SLC30A6: variants seen among roughly 807,000 people sequenced by gnomAD.
SLC30A6 encodes the protein solute carrier family 30 member 6, also known as zinc transporter 6.
SLC30A6 carries 55 observed loss-of-function variants against 63.0 expected under a neutral mutation model. The observed-to-expected ratio is 0.87, with a 90% CI of 0.70 to 1.09. The LOEUF is 1.09. SLC30A6 is among the 50% of genes least tolerant of loss of function. The pLI, the probability that SLC30A6 is intolerant of heterozygous loss-of-function variation, is 0.00. For synonymous variants in SLC30A6, 224 were observed against 186.1 expected (o/e 1.20, Z -1.66); for missense variants, 587 against 549.2 (o/e 1.07, Z -0.69).
intron 5 of SLC30A6, among the ~76,000 whole-genome samples, chr2:32,191,529 C>T (rs1683318116): frequency 6.6e-6 from 1 of 152,058 alleles, no homozygotes; most frequent in Admixed American, 6.6e-5. Flanking sequence ...CAGTTCCTGG[C>T]CTCTGGCTTA....
At chr2:32,185,218 G>C (rs760593599) in intron 5 of SLC30A6, among the ~76,000 whole-genome samples, 11 of 152,118 alleles carry the variant, frequency 7.2e-5, no homozygotes, top group Non-Finnish European at 1.2e-4. Flanking sequence ...TTAATTAGCT[G>C]CACATGGTGG....
At chr2:32,201,710 G>A (rs1219020414) in intron 10 of SLC30A6, 23 of 1,398,772 alleles carry the variant, frequency 1.6e-5, no homozygotes, top group Middle Eastern at 4.0e-4. Flanking sequence ...TCACAGTTTC[G>A]GCTAATGGAT....
intron 13 of SLC30A6, among the ~76,000 whole-genome samples, chr2:32,212,277 T>C (rs948020152): frequency 6.6e-6 from 1 of 152,104 alleles, no homozygotes; most frequent in African/African-American, 2.4e-5. Flanking sequence ...TGGTCTTGTT[T>C]TATATCTTTT....
intron 2 of SLC30A6, 41 bp downstream of exon 2, chr2:32,171,414 C>A: frequency 6.8e-7 from 1 of 1,462,798 alleles, no homozygotes; most frequent in Non-Finnish European, 9.6e-7. Context: ...ATTGCACAAA[C>A]AACATTATAA....
At chr2:32,206,174 C>CGGT (rs1036042756) in intron 11 of SLC30A6, among the ~76,000 whole-genome samples, 1 of 150,960 alleles carries the variant, frequency 6.6e-6, no homozygotes, top group Non-Finnish European at 1.5e-5. Flanking sequence ...CGGCCGGGCG[C>CGGT]GGTGGCTCAT....
rs189189553 is a variant in SLC30A6 at position 32,205,768 on chromosome 2, A to G, written c.768+1076A>G. On this transcript the variant is annotated intron_variant, in intron 11 of 13. Transcript: ENST00000282587. The stretch of plus-strand genomic sequence containing the variant: ...CTGCAACCTTTGCTTCCTGGGTTCA[A>G]GCGATTCTCCTACCTCAGCATCCCG... Among the ~76,000 whole-genome samples the G allele has an allele frequency of 7.4e-5, 11 of 149,194 alleles. No homozygotes were observed. In the East Asian group the frequency reaches 2.2e-3, roughly 30 times the overall value.
Position 32,220,432 on chromosome 2 carries a change from G to T in SLC30A6, c.1105G>T (p.Asp369Tyr), listed in dbSNP as rs148033862. 9 of 1,614,178 alleles carry T rather than the reference G, an allele frequency of 5.6e-6. No homozygotes were observed. Among genetic ancestry groups the T allele is most frequent in the Non-Finnish European group, 5.9e-6 (7 of 1,180,026 alleles). ...AATGCCTCTTTTAAAGGGTACTGAT[G>T]ATTTGAACCCAGTTACATCAACTCC... ...IPMPLLKGTDDLNPVTSTPAK... is the reference protein window; with the variant it reads ...IPMPLLKGTDYLNPVTSTPAK... The change falls in exon 14 of 14, where the codon GAT becomes TAT. Residue 369 changes from aspartate (D) to tyrosine (Y), a missense_variant. Coordinates refer to ENST00000282587, the MANE Select transcript of SLC30A6 (RefSeq NM_017964.5).
At chr2:32,195,682 T>TTATTA (rs1022182007) in intron 8 of SLC30A6, among the ~76,000 whole-genome samples, 57 of 149,162 alleles carry the variant, frequency 3.8e-4, no homozygotes, top group Non-Finnish European at 4.9e-4. Context: ...GTTTATATTT[T>TTATTA]TATTATATTA....
chr2:32,205,549 C>G (rs1684680846), intron 11 of SLC30A6, among the ~76,000 whole-genome samples: 1 of 151,868 alleles, frequency 6.6e-6, no homozygotes, highest in Admixed American at 6.6e-5. Context: ...TAGTCAGAAC[C>G]TGATGAAAGT....
At chr2:32,167,937 C>G (rs1680829343) in intron 1 of SLC30A6, among the ~76,000 whole-genome samples, 1 of 152,206 alleles carries the variant, frequency 6.6e-6, no homozygotes, top group Non-Finnish European at 1.5e-5. Flanking sequence ...TTGTCTTTCT[C>G]ACTTTCTAGA....
chr2:32,194,202 A>C (rs1179544634), intron 8 of SLC30A6, among the ~76,000 whole-genome samples: 2 of 152,214 alleles, frequency 1.3e-5, no homozygotes, highest in African/African-American at 2.4e-5. Flanking sequence ...AACAGGCAGG[A>C]GTGACCTGTA....
rs1558438244 is a variant in SLC30A6 at position 32,222,152 on chromosome 2, T to C, written c.*1439T>C. 6.6e-6 allele frequency: 1 copy of C among 152,172 alleles called. No homozygotes were observed. The highest frequency in any genetic ancestry group is 6.5e-5 in the Admixed American group (1 of 15,274). 9.4% of individuals were successfully genotyped at this position (152,172 alleles called of 1,614,324 possible). A position where few individuals can be genotyped will look rare whatever the true frequency, so the allele number is the denominator to read the frequency against. On this transcript the variant is annotated 3_prime_UTR_variant, in exon 14 of 14. Coordinates refer to ENST00000282587, the MANE Select transcript of SLC30A6 (RefSeq NM_017964.5). ...TGTGAGAATTACATAGATTATGTTATTTTTTAGTTGTTTTCCAAATGCAGA... is the reference window on the plus strand; with the variant it reads ...TGTGAGAATTACATAGATTATGTTACTTTTTAGTTGTTTTCCAAATGCAGA...
chr2:32,172,322 C>T (rs1681303781), intron 2 of SLC30A6, among the ~76,000 whole-genome samples: 1 of 152,136 alleles, frequency 6.6e-6, no homozygotes, highest in Admixed American at 6.6e-5. Flanking sequence ...CTCCGTTATC[C>T]TCATTTGCTT....
intron 13 of SLC30A6, among the ~76,000 whole-genome samples, chr2:32,213,392 G>C (rs943495917): frequency 1.3e-5 from 2 of 149,254 alleles, no homozygotes; most frequent in African/African-American, 4.9e-5. Context: ...TGCAGACCCA[G>C]TGTATTTGCC....
chr2:32,197,491 A>C, intron 9 of SLC30A6, 99 bp downstream of exon 9: 1 of 1,292,946 alleles, frequency 7.7e-7, no homozygotes, highest in East Asian at 2.3e-5. Flanking sequence ...TGAGGTTACT[A>C]CGTGAATCAC....
At chr2:32,170,520 A>G (rs1245816241) in intron 1 of SLC30A6, among the ~76,000 whole-genome samples, 1 of 152,212 alleles carries the variant, frequency 6.6e-6, no homozygotes, top group Non-Finnish European at 1.5e-5. Flanking sequence ...AGCAGGGGCC[A>G]GGGAGACTAG....
intron 9 of SLC30A6, 113 bp from the exon 10 acceptor site, chr2:32,197,594 T>TAA: frequency 6.8e-7 from 1 of 1,473,822 alleles, no homozygotes; most frequent in Non-Finnish European, 9.2e-7. Flanking sequence ...CCTCTTTGCT[T>TAA]TCTTTAAGAA....
rs1685068263 is a variant in SLC30A6, at chr2:32,209,494, T to C, written c.818T>C (p.Val273Ala). 6.2e-7 allele frequency: 1 copy of C among 1,609,152 alleles called. No individual in the cohort carries two copies. Among genetic ancestry groups the C allele is most frequent in the Non-Finnish European group, 8.5e-7 (1 of 1,178,696 alleles). ...IGQLDKLIRE[V>A]STLDGVLEVR... ...ATCACCTCTTTCTGTTTTTGGTAGGTATCTACCTTAGATGGAGTTTTAGAA... is the reference window on the plus strand; with the variant it reads ...ATCACCTCTTTCTGTTTTTGGTAGGCATCTACCTTAGATGGAGTTTTAGAA... Residue 273 changes from valine (V) to alanine (A), a missense_variant and splice_region_variant, in exon 13 of 14, where the codon GTA (valine) becomes GCA (alanine). Coordinates refer to ENST00000282587, the MANE Select transcript of SLC30A6 (RefSeq NM_017964.5).
chr2:32,174,099 A>G lies in SLC30A6; in HGVS notation c.127A>G (p.Ile43Val), dbSNP rs1402424643. The G allele has an allele frequency of 6.2e-7, 1 of 1,613,648 alleles. No homozygotes were observed. The highest frequency in any genetic ancestry group is 1.3e-5 in the African/African-American group (1 of 74,906). ...KILLFGVINL[I>V]CTGFLLMWCS... ...ACTGCTCTTTGGTGTAATAAACTTG[A>G]TATGTACTGGCTTCCTGCTTATGTG... Residue 43 changes from isoleucine (I) to valine (V), a missense_variant, in exon 3 of 14, where the codon ATA (isoleucine) becomes GTA (valine). Physicochemically the swap from Ile to Val is conservative, Grantham distance 29 (BLOSUM62 3). Coordinates refer to ENST00000282587, the MANE Select transcript of SLC30A6 (RefSeq NM_017964.5).
Sources: gnomAD v4.1 joint callset for allele counts (sites outside exome capture counted in the v4.1 genomes callset) on GRCh38, gnomAD v4.1.1 for gene constraint, MANE v1.5 for transcripts, NCBI Gene and HGNC (gene_info 2026-07-23, HGNC 2026-07-21) for gene names.